The following RGL1 variants were observed in gnomAD, a reference collection of about 807,000 sequenced individuals.
The protein encoded by RGL1 is ral guanine nucleotide dissociation stimulator-like 1.
Under a neutral mutation model 95.2 loss-of-function variants are expected in RGL1, and 24 were observed. The observed-to-expected ratio is 0.25, with a 90% CI of 0.18 to 0.35. The LOEUF (loss-of-function observed/expected upper bound fraction) is 0.35. Ranked by LOEUF, RGL1 falls within the 10% of genes least tolerant of loss-of-function variation. The pLI is 1.00. For missense variants in RGL1, 715 were observed against 936.3 expected, an observed-to-expected ratio of 0.76 and a Z score of 3.08; for synonymous variants, 329 against 344.9, an observed-to-expected ratio of 0.95 and a Z score of 0.51.
chr1:183,822,648 G>A (rs1168871338), intron 2 of RGL1, among the ~76,000 whole-genome samples: 1 of 152,176 alleles, frequency 6.6e-6, no homozygotes, highest in Non-Finnish European at 1.5e-5. Flanking sequence ...ATGGCAGTCA[G>A]GAGTTATGTT....
intron 1 of RGL1, among the ~76,000 whole-genome samples, chr1:183,704,086 A>G (rs1432206535): frequency 6.6e-6 from 1 of 152,212 alleles, no homozygotes. Flanking sequence ...GAGAACAAGG[A>G]CAGGGACAAA....
chr1:183,660,058 C>A (rs1310812804), intron 1 of RGL1, among the ~76,000 whole-genome samples: 2 of 152,082 alleles, frequency 1.3e-5, no homozygotes, highest in South Asian at 2.1e-4. Flanking sequence ...CTGAAGGAAG[C>A]ACTAAACATG....
intron 3 of RGL1, among the ~76,000 whole-genome samples, chr1:183,861,036 A>G (rs61809211): frequency 0.014 from 2,110 of 152,274 alleles, 24 homozygotes; most frequent in Non-Finnish European, 0.023. Context: ...CTTTGAGGGC[A>G]TGTTACTTAA....
At chr1:183,656,620 G>A (rs998669020) in intron 1 of RGL1, among the ~76,000 whole-genome samples, 1 of 152,098 alleles carries the variant, frequency 6.6e-6, no homozygotes, top group African/African-American at 2.4e-5. Flanking sequence ...AATCCTCTGT[G>A]ACCATGCAGC....
At chr1:183,713,813 C>G (rs1001480425) in intron 1 of RGL1, among the ~76,000 whole-genome samples, 20 of 152,170 alleles carry the variant, frequency 1.3e-4, no homozygotes, top group African/African-American at 4.8e-4. Context: ...CCCTGTTGGA[C>G]TAAGATACCA....
Position 183,911,937 on chromosome 1 carries a change from T to C in RGL1, c.1563-145T>C, listed in dbSNP as rs1668664240. The C allele has an allele frequency of 5.8e-6, 4 of 689,634 alleles. No individual in the cohort carries two copies. In the South Asian group the frequency reaches 5.9e-5, roughly 10 times the overall value. The allele number at this position is 689,634 out of a possible 1,614,324, so 42.7% of individuals were successfully genotyped here. ...GTTTACTACTATTTGTTAGAAACTT[T>C]ATAGCGAATGTCCTCCTAAAATAAT... On this transcript the variant is annotated intron_variant, in intron 14 of 17. Transcript: ENST00000360851.
chr1:183,891,990 G>T, intron 8 of RGL1, 87 bp from the exon 9 acceptor site: 1 of 944,902 alleles, frequency 1.1e-6, no homozygotes, highest in Non-Finnish European at 1.7e-6. Flanking sequence ...TCCCTCCTTA[G>T]ACATGAGTCC....
At chr1:183,867,001 T>C (rs1229133129) in intron 4 of RGL1, among the ~76,000 whole-genome samples, 4 of 152,190 alleles carry the variant, frequency 2.6e-5, no homozygotes, top group African/African-American at 9.6e-5. Flanking sequence ...CTTCCCAGGG[T>C]TGCGGTTTGA....
chr1:183,767,063 A>T (rs2102319951), intron 2 of RGL1, among the ~76,000 whole-genome samples: 1 of 151,950 alleles, frequency 6.6e-6, no homozygotes, highest in Admixed American at 6.6e-5. Context: ...TAAAAATTAA[A>T]AAAAAAATTA....
intron 2 of RGL1, among the ~76,000 whole-genome samples, chr1:183,809,200 GC>G (rs1468942769): frequency 6.6e-6 from 1 of 152,184 alleles, no homozygotes; most frequent in East Asian, 1.9e-4. Flanking sequence ...TATTCCAGAT[GC>G]CTAAAAGATG....
At chr1:183,893,765 G>T (rs1370163125) in intron 9 of RGL1, among the ~76,000 whole-genome samples, 2 of 152,132 alleles carry the variant, frequency 1.3e-5, no homozygotes, top group African/African-American at 4.8e-5. Context: ...CTTATCACTT[G>T]CTCTGTTGCA....
At chr1:183,702,013 T>C (rs1294176243) in intron 1 of RGL1, among the ~76,000 whole-genome samples, 23 of 152,254 alleles carry the variant, frequency 1.5e-4, no homozygotes, top group Admixed American at 1.4e-3. Flanking sequence ...TTTCTGCTTA[T>C]TGTCTTTGGC....
chr1:183,803,499 T>C (rs1028431797), upstream of RGL1, among the ~76,000 whole-genome samples: 4 of 152,316 alleles, frequency 2.6e-5, no homozygotes, highest in South Asian at 8.3e-4. Context: ...ACACACTAGG[T>C]GGCCAGCCAG....
intron 8 of RGL1, among the ~76,000 whole-genome samples, chr1:183,888,831 T>C (rs1667262804): frequency 6.6e-6 from 1 of 152,152 alleles, no homozygotes; most frequent in South Asian, 2.1e-4. Context: ...GATGTGCTTA[T>C]TATCTGGATT....
At chr1:183,648,224 C>T (rs1650451714) in intron 1 of RGL1, 1 of 1,614,158 alleles carries the variant, frequency 6.2e-7, no homozygotes, top group Non-Finnish European at 8.5e-7. Flanking sequence ...TTATTGGACT[C>T]AAAACAACCC....
At chr1:183,905,148 A>G (rs949944815) in intron 13 of RGL1, among the ~76,000 whole-genome samples, 177 bp downstream of exon 13, 1 of 152,192 alleles carries the variant, frequency 6.6e-6, no homozygotes, top group Non-Finnish European at 1.5e-5. Flanking sequence ...GATAGCATCA[A>G]GATGTACTTT....
chr1:183,835,011 T>A (rs1050168499), intron 2 of RGL1, among the ~76,000 whole-genome samples: 3 of 152,208 alleles, frequency 2.0e-5, no homozygotes, highest in African/African-American at 7.2e-5. Context: ...TTTTAATGAC[T>A]GATACCAAGA....
chr1:183,892,250 C>A, intron 9 of RGL1, 89 bp downstream of exon 9: 1 of 921,560 alleles, frequency 1.1e-6, no homozygotes, highest in East Asian at 2.6e-5. Context: ...CCTTAAGTTC[C>A]TTCAACTCCA....
chr1:183,689,869 G>A (rs955341180), intron 1 of RGL1, among the ~76,000 whole-genome samples: 12 of 152,128 alleles, frequency 7.9e-5, no homozygotes, highest in African/African-American at 2.7e-4. Context: ...AGGTGCTGTG[G>A]GGGAAACTGC....
Sources: gnomAD v4.1 joint callset for allele counts (sites outside exome capture counted in the v4.1 genomes callset) on GRCh38, gnomAD v4.1.1 for gene constraint, MANE v1.5 for transcripts, NCBI Gene and HGNC (gene_info 2026-07-23, HGNC 2026-07-21) for gene names.